Variants in ZNF385D observed in about 807,000 individuals in gnomAD.
The protein encoded by ZNF385D is zinc finger protein 385D.
A neutral mutation model predicts 35.8 loss-of-function variants in ZNF385D; 15 were observed. The ratio of observed to expected loss-of-function variants is 0.42; its 90% CI spans 0.28 to 0.64. The LOEUF is 0.64. Ranked by LOEUF, ZNF385D falls within the 30% of genes least tolerant of loss-of-function variation. The pLI is 0.23. For synonymous variants in ZNF385D, 212 were observed against 186.8 expected, an observed-to-expected ratio of 1.13 and a Z score of -1.10; for missense variants, 474 against 494.6, an observed-to-expected ratio of 0.96 and a Z score of 0.39.
chr3:21,948,609 A>G (rs1055612689), intron 3 of ZNF385D, among the ~76,000 whole-genome samples: 3 of 152,086 alleles, frequency 2.0e-5, no homozygotes, highest in Admixed American at 6.6e-5. Context: ...CTGAATTGGC[A>G]TATAATATTT....
rs190948423 is a variant in ZNF385D, at chr3:22,262,175, G to A, written c.107-93140C>T. Reference sequence around the variant, plus strand: ...TGCCTAGAGATTTACTAAAGACAGAGTAGAAAACATTGGCATGTTAGTAAC... The same window carrying A: ...TGCCTAGAGATTTACTAAAGACAGAATAGAAAACATTGGCATGTTAGTAAC... On this transcript the variant is annotated intron_variant, in intron 2 of 5. Transcript: ENST00000494108. Among the ~76,000 whole-genome samples the A allele has an allele frequency of 5.5e-3, 829 of 151,970 alleles. 8 individuals carry two copies. Among genetic ancestry groups the A allele is most frequent in the African/African-American group, 0.019 (804 of 41,500 alleles).
intron 3 of ZNF385D, among the ~76,000 whole-genome samples, chr3:21,922,928 T>C (rs1184933954): frequency 6.6e-6 from 1 of 152,070 alleles, no homozygotes; most frequent in Non-Finnish European, 1.5e-5. Flanking sequence ...CTTCAATAGC[T>C]GAACAAACAA....
chr3:22,211,953 ATT>A (rs1697550969), intron 2 of ZNF385D, among the ~76,000 whole-genome samples: 1 of 152,036 alleles, frequency 6.6e-6, no homozygotes, highest in Non-Finnish European at 1.5e-5. Flanking sequence ...TTCCATCCAG[ATT>A]TGTTTTTCTT....
At chr3:21,690,986 C>A (rs1013029726) in intron 1 of ZNF385D, among the ~76,000 whole-genome samples, 1 of 152,102 alleles carries the variant, frequency 6.6e-6, no homozygotes, top group Non-Finnish European at 1.5e-5. Flanking sequence ...TGTTTACTAC[C>A]TTTTTCCCTC....
chr3:21,866,670 A>T (rs1697382737), intron 3 of ZNF385D, among the ~76,000 whole-genome samples: 1 of 152,176 alleles, frequency 6.6e-6, no homozygotes, highest in Non-Finnish European at 1.5e-5. Context: ...CTACCACCAC[A>T]CTTGAGATCC....
At chr3:21,778,950 GC>G (rs1314687363) in intron 3 of ZNF385D, among the ~76,000 whole-genome samples, 2 of 151,902 alleles carry the variant, frequency 1.3e-5, no homozygotes, top group Non-Finnish European at 2.9e-5. Flanking sequence ...AACAAACCTA[GC>G]CTGTTACAGC....
rs906119131 is a variant in ZNF385D, at chr3:21,932,024, G to A, written c.325+236793C>T. On this transcript the variant is annotated intron_variant, in intron 3 of 5. Coordinates refer to the ZNF385D transcript ENST00000494108. ...CTACTAAAAATACAAAAAATTAGCC[G>A]GGAGCGGTGGCGGGCACCTGTGGTC... Among the ~76,000 whole-genome samples, 116 of 151,844 alleles carry A rather than the reference G, an allele frequency of 7.6e-4. 1 individual carries two copies. Among genetic ancestry groups the A allele is most frequent in the African/African-American group, 2.4e-3 (101 of 41,426 alleles).
At chr3:21,838,905 A>G (rs1201362450) in intron 3 of ZNF385D, among the ~76,000 whole-genome samples, 1 of 152,108 alleles carries the variant, frequency 6.6e-6, no homozygotes, top group South Asian at 2.1e-4. Flanking sequence ...ACCACAAACT[A>G]AACAATAACC....
chr3:21,958,515 C>T (rs1702407344), intron 3 of ZNF385D, among the ~76,000 whole-genome samples: 2 of 151,968 alleles, frequency 1.3e-5, no homozygotes, highest in South Asian at 4.2e-4. Flanking sequence ...AATAGGGGCT[C>T]TTATTTTGTT....
At chr3:21,552,465 G>C (rs1321692497) in intron 3 of ZNF385D, among the ~76,000 whole-genome samples, 1 of 152,062 alleles carries the variant, frequency 6.6e-6, no homozygotes, top group Non-Finnish European at 1.5e-5. Flanking sequence ...TTCTACTCTT[G>C]TATTTCAATT....
At chr3:21,910,084 T>TACACACACACACAC (rs112815077) in intron 3 of ZNF385D, among the ~76,000 whole-genome samples, 26 of 149,344 alleles carry the variant, frequency 1.7e-4, no homozygotes, top group Middle Eastern at 3.4e-3. Flanking sequence ...ACATATATTT[T>TACACACACACACAC]ACACACACAC....
chr3:22,142,851 C>T (rs571257724), intron 3 of ZNF385D, among the ~76,000 whole-genome samples: 3 of 151,908 alleles, frequency 2.0e-5, no homozygotes, highest in African/African-American at 7.3e-5. Context: ...TTATCCTCCC[C>T]GGGTTCCAAA....
chr3:21,802,442 T>C (rs940887413), intron 3 of ZNF385D, among the ~76,000 whole-genome samples: 6 of 152,244 alleles, frequency 3.9e-5, no homozygotes, highest in East Asian at 3.9e-4. Flanking sequence ...TTCAAAAGCA[T>C]AGAATAAAGC....
chr3:22,124,691 ATATT>A (rs1703324959), intron 3 of ZNF385D, among the ~76,000 whole-genome samples: 1 of 152,060 alleles, frequency 6.6e-6, no homozygotes, highest in Non-Finnish European at 1.5e-5. Flanking sequence ...ATATTTTCAT[ATATT>A]TGTTTGCTAT....
intron 4 of ZNF385D, among the ~76,000 whole-genome samples, chr3:21,446,239 G>A (rs1348362584): frequency 6.6e-6 from 1 of 152,106 alleles, no homozygotes; most frequent in East Asian, 1.9e-4. Context: ...AGATTAACTG[G>A]TCTCAGCTCT....
intron 2 of ZNF385D, among the ~76,000 whole-genome samples, chr3:22,202,779 A>T (rs1051760259): frequency 7.2e-5 from 11 of 152,106 alleles, no homozygotes; most frequent in African/African-American, 2.4e-4. Context: ...GGGACTTTGC[A>T]TGGGCAGGCT....
At chr3:21,988,827 T>C (rs1293645001) in intron 3 of ZNF385D, among the ~76,000 whole-genome samples, 1 of 152,144 alleles carries the variant, frequency 6.6e-6, no homozygotes, top group Admixed American at 6.5e-5. Context: ...CGAGACTCCG[T>C]GGGCGTAGGA....
chr3:22,109,893 TACTCATCTGACA>T (rs1369792739), intron 3 of ZNF385D, among the ~76,000 whole-genome samples: 1 of 152,134 alleles, frequency 6.6e-6, no homozygotes, highest in Admixed American at 6.5e-5. Context: ...GACAAAGGGC[TACTCATCTGACA>T]AATATCCAGA....
intron 2 of ZNF385D, among the ~76,000 whole-genome samples, chr3:21,593,150 T>TA (rs1195035478): frequency 1.3e-5 from 2 of 152,178 alleles, no homozygotes; most frequent in African/African-American, 4.8e-5. Context: ...CACTCCCAAC[T>TA]AGTCCTGCTT....
Sources: gnomAD v4.1 joint callset for allele counts (sites outside exome capture counted in the v4.1 genomes callset) on GRCh38, gnomAD v4.1.1 for gene constraint, MANE v1.5 for transcripts, NCBI Gene and HGNC (gene_info 2026-07-23, HGNC 2026-07-21) for gene names.